Variants in ABCC10 observed in about 807,000 individuals in gnomAD.
ABCC10 encodes ATP-binding cassette sub-family C member 10.
Under a neutral mutation model 143.2 loss-of-function variants are expected in ABCC10, and 110 were observed. The observed-to-expected ratio is 0.77, with a 90% CI of 0.66 to 0.90. The LOEUF is 0.90. ABCC10 is among the 40% of genes least tolerant of loss of function. The pLI, the probability that ABCC10 is intolerant of heterozygous loss-of-function variation, is 0.00. For synonymous variants in ABCC10, 805 were observed against 846.7 expected, an observed-to-expected ratio of 0.95 and a Z score of 0.85; for missense variants, 1,700 against 1,900.5, an observed-to-expected ratio of 0.89 and a Z score of 1.96.
chr6:43,441,105 A>G (rs1782404954), intron 8 of ABCC10, among the ~76,000 whole-genome samples: 1 of 151,830 alleles, frequency 6.6e-6, no homozygotes, highest in Non-Finnish European at 1.5e-5. Flanking sequence ...TCTGTCTCAC[A>G]CACACAAAAA....
rs1781256149 is a variant in ABCC10, at chr6:43,432,601, G to A, written c.621G>A (p.Glu207=). 6.2e-7 allele frequency: 1 copy of A among 1,613,744 alleles called. No individual in the cohort carries two copies. Among genetic ancestry groups the A allele is most frequent in the Non-Finnish European group, 8.5e-7 (1 of 1,180,024 alleles). ...EPWAQEPLLP[E]DQEPEVAEDG... ...GGGCTCAGGAGCCCCTCCTGCCCGA[G>A]GATCAAGAACCTGAGGTGGCTGAAG... The change falls in exon 3 of 22, where the codon GAG becomes GAA. Residue 207 remains glutamate (E), a synonymous_variant. Transcript: ENST00000372530.
chr6:43,447,824 A>G lies in ABCC10; in HGVS notation c.3846A>G (p.Thr1282=). The G allele has an allele frequency of 6.2e-7, 1 of 1,613,724 alleles. No homozygotes were observed. Among genetic ancestry groups the G allele is most frequent in the South Asian group, 1.1e-5 (1 of 91,084 alleles). ...PGEKLGIVGR[T]GSGKSSLLLV... ...AGAAGTTGGGCATCGTGGGCCGCAC[A>G]GGCTCCGGCAAGTCTTCCCTGTTGT... The change falls in exon 18 of 22, where the codon ACA becomes ACG. Residue 1282 remains threonine (T), a synonymous_variant. Transcript: ENST00000372530.
In ABCC10 at chr6:43,444,312, G is replaced by A. The variant is rs1257733336; in HGVS notation, c.2648G>A (p.Gly883Asp). The A allele has an allele frequency of 6.2e-7, 1 of 1,613,028 alleles. No individual in the cohort carries two copies. Among genetic ancestry groups the A allele is most frequent in the Non-Finnish European group, 8.5e-7 (1 of 1,179,578 alleles). The change falls in exon 12 of 22, where the codon GGC (glycine) becomes GAC (aspartate). Residue 883 changes from glycine to aspartate, a missense_variant. Transcript: ENST00000372530. ...YQAYWKAVGQ[G>D]LALAILFSLL... ...GCTTACTGGAAGGCCGTGGGCCAGG[G>A]CTTGGCCTTAGCCATCCTCTTCTCT... is the stretch of plus-strand genomic sequence containing the variant.
chr6:43,430,032 A>G (rs889275031), intron 2 of ABCC10, among the ~76,000 whole-genome samples: 2 of 152,060 alleles, frequency 1.3e-5, no homozygotes, highest in Non-Finnish European at 2.9e-5. Context: ...CTTCTGCCTC[A>G]GCCTCCTAAA....
In ABCC10 at chr6:43,440,097, C is replaced by G. The variant is rs112503852; in HGVS notation, c.2127+1302C>G. Among the ~76,000 whole-genome samples, 680 of 152,196 alleles carry G rather than the reference C, an allele frequency of 4.5e-3. 7 individuals carry two copies. Among genetic ancestry groups the G allele is most frequent in the African/African-American group, 0.015 (616 of 41,522 alleles). ...TCAGCCTCCTGAGTAGCTGGGACTACAGGTGTAAGCTGCCACGCCTGCCTA... is the reference window on the plus strand; with the variant it reads ...TCAGCCTCCTGAGTAGCTGGGACTAGAGGTGTAAGCTGCCACGCCTGCCTA... On this transcript the variant is annotated intron_variant, in intron 8 of 21. Transcript: ENST00000372530.
At chr6:43,435,640 C>T in intron 4 of ABCC10, 111 bp from the exon 5 acceptor site, 2 of 1,310,354 alleles carry the variant, frequency 1.5e-6, no homozygotes, top group Non-Finnish European at 2.1e-6. Context: ...GCCAGCCCTT[C>T]AGTTCTGTCA....
chr6:43,450,331 T>G lies in ABCC10; in HGVS notation c.*240T>G. ...CTTGCATCTGGAACGCCAGGTGGGTTTTTCTGGCATAGGAGCCCACTTGCA... is the reference window on the plus strand; with the variant it reads ...CTTGCATCTGGAACGCCAGGTGGGTGTTTCTGGCATAGGAGCCCACTTGCA... On this transcript the variant is annotated 3_prime_UTR_variant, in exon 22 of 22. Coordinates refer to ENST00000372530, the MANE Select transcript of ABCC10 (RefSeq NM_001198934.2). The surrounding 1 kb of genome is among the most constrained non-coding windows in gnomAD (Gnocchi z 4.5). 1.1e-6 allele frequency: 1 copy of G among 881,804 alleles called. No homozygotes were observed. Among genetic ancestry groups the G allele is most frequent in the Non-Finnish European group, 1.6e-6 (1 of 613,390 alleles). The allele number at this position is 881,804 out of a possible 1,614,324, so 54.6% of individuals were successfully genotyped here.
At chr6:43,446,940 TG>T in intron 16 of ABCC10, 1 of 957,798 alleles carries the variant, frequency 1.0e-6, no homozygotes, top group Non-Finnish European at 1.3e-6. Context: ...CTCTGCCTCC[TG>T]GGTTCAAGCA....
chr6:43,448,756 G>A (rs1267778229), intron 18 of ABCC10, 125 bp from the exon 19 acceptor site: 5 of 1,203,764 alleles, frequency 4.2e-6, no homozygotes, highest in Non-Finnish European at 5.8e-6. Context: ...GGGGAGCAGA[G>A]TGGGGTTATG....
Position 43,445,750 on chromosome 6 carries a change from G to A in ABCC10, c.3182G>A (p.Gly1061Asp). 6.2e-7 allele frequency: 1 copy of A among 1,614,124 alleles called. No homozygotes were observed. The highest frequency in any genetic ancestry group is 8.5e-7 in the Non-Finnish European group (1 of 1,180,028). Residue 1061 changes from glycine (G) to aspartate (D), a missense_variant, in exon 15 of 22, where the codon GGC (glycine) becomes GAC (aspartate). Physicochemically the swap from Gly to Asp is moderately conservative, Grantham distance 94 (BLOSUM62 -1). Transcript: ENST00000372530. ...AGLLGLLAVL[G>D]SGLPWLLLLL... ...CTGCTGGGGCTCCTGGCCGTGCTGG[G>A]CTCTGGCCTGCCCTGGCTGCTGCTC...
At chr6:43,436,047 AT>A in intron 5 of ABCC10, 90 bp from the exon 6 acceptor site, 1 of 1,605,916 alleles carries the variant, frequency 6.2e-7, no homozygotes, top group Non-Finnish European at 8.5e-7. Flanking sequence ...GGGCAGGTAG[AT>A]ATGGGGCTGG....
chr6:43,443,315 G>C lies in ABCC10; in HGVS notation c.2416+156G>C, dbSNP rs565060265. 1.4e-6 allele frequency: 1 copy of C among 722,584 alleles called. No individual in the cohort carries two copies. The highest frequency in any genetic ancestry group is 2.1e-6 in the Non-Finnish European group (1 of 470,462). 44.8% of individuals were successfully genotyped at this position (722,584 alleles called of 1,614,324 possible). A position where few individuals can be genotyped will look rare whatever the true frequency, so the allele number is the denominator to read the frequency against. ...ACTGGTGTGAGGAACTGGGAGAACA[G>C]GAGGGAAAAGGAGTACGTTGGTAAA... is the stretch of plus-strand genomic sequence containing the variant. On this transcript the variant is annotated intron_variant, in intron 10 of 21. Transcript: ENST00000372530. This position sits in a 1 kb window ranked among gnomAD's most constrained non-coding sequence, Gnocchi z 4.2.
At chr6:43,445,521 C>T in intron 14 of ABCC10, 78 bp from the exon 15 acceptor site, 2 of 1,449,850 alleles carry the variant, frequency 1.4e-6, no homozygotes, top group Middle Eastern at 1.8e-4. Context: ...TTCCCCTCCA[C>T]CCCACCTCCC....
At position 43,428,134 on chromosome 6, in the gene ABCC10, C is replaced by A. The variant is rs911043980; in HGVS notation, c.156C>A (p.Thr52=). The A allele has an allele frequency of 2.6e-6, 4 of 1,535,222 alleles. No individual in the cohort carries two copies. The highest frequency in any genetic ancestry group is 2.6e-6 in the Non-Finnish European group (3 of 1,142,686). Residue 52 remains threonine, a synonymous_variant, in exon 2 of 22, where the codon ACC becomes ACA. Transcript: ENST00000372530. ...LAVLSACYLG[T]PRSPDYILPC... is the part of the protein sequence containing the mutation. ...TGCTCAGTGCCTGTTACTTGGGCAC[C>A]CCGAGGTGGGTAGAGACGGGCGCAA...
chr6:43,447,186 G>C, intron 16 of ABCC10, 62 bp from the exon 17 acceptor site: 2 of 1,564,060 alleles, frequency 1.3e-6, no homozygotes, highest in Non-Finnish European at 1.7e-6. Flanking sequence ...ACAGCCTGGG[G>C]AGTCTCCCAC....
rs987692650 is a variant in ABCC10 at position 43,436,219 on chromosome 6, C to T, written c.1847C>T (p.Thr616Ile). 14 of 1,613,958 alleles carry T rather than the reference C, an allele frequency of 8.7e-6. No homozygotes were observed. Among genetic ancestry groups the T allele is most frequent in the Admixed American group, 1.7e-5 (1 of 60,000 alleles). The change falls in exon 6 of 22, where the codon ACC (threonine) becomes ATC (isoleucine). Residue 616 changes from threonine to isoleucine, a missense_variant. Physicochemically the swap from Thr to Ile is moderately conservative, Grantham distance 89. Transcript: ENST00000372530. ...SWDPVGTSLE[T>I]FISHLEVKKG... ...GACCCAGTTGGAACCAGCCTGGAGA[C>T]CTTCATCAGTCATCTCGAAGTGAAA...
In ABCC10 at chr6:43,443,829, CG is replaced by C. The variant is rs1782730870; in HGVS notation, c.2417-100del. On this transcript the variant is annotated intron_variant, in intron 10 of 21. Coordinates refer to ENST00000372530, the MANE Select transcript of ABCC10 (RefSeq NM_001198934.2). This position sits in a 1 kb window ranked among gnomAD's most constrained non-coding sequence, Gnocchi z 4.2. ...GGGTATCCTGCTAGGGTGGGTTAGA[CG>C]GGGAGGCCTGAGAGGATGAGAGGTG... The C allele has an allele frequency of 1.2e-5, 14 of 1,214,976 alleles. No homozygotes were observed. Among genetic ancestry groups the C allele is most frequent in the Non-Finnish European group, 1.7e-5 (14 of 822,342 alleles). The allele number at this position is 1,214,976 out of a possible 1,614,324, so 75.3% of individuals were successfully genotyped here.
intron 20 of ABCC10, 58 bp from the exon 21 acceptor site, chr6:43,449,364 C>A (rs1783499414): frequency 1.3e-6 from 2 of 1,541,272 alleles, no homozygotes; most frequent in Non-Finnish European, 1.8e-6. Flanking sequence ...GGGCCAGGCC[C>A]AACCCACCCT....
intron 13 of ABCC10, 79 bp from the exon 14 acceptor site, chr6:43,445,046 A>C: frequency 6.3e-7 from 1 of 1,588,232 alleles, no homozygotes; most frequent in Non-Finnish European, 8.6e-7. Flanking sequence ...GGAGGGTGGG[A>C]GAGATGGCAT....
Sources: gnomAD v4.1 joint callset for allele counts (sites outside exome capture counted in the v4.1 genomes callset) on GRCh38, gnomAD v4.1.1 for gene constraint, Gnocchi (gnomAD v3.1) non-coding constraint, MANE v1.5 for transcripts, NCBI Gene and HGNC (gene_info 2026-07-23, HGNC 2026-07-21) for gene names.